ECT2L: variants seen among roughly 807,000 people sequenced by gnomAD.
ECT2L encodes the protein epithelial cell-transforming sequence 2 oncogene-like.
ECT2L carries 126 observed loss-of-function variants against 122.8 expected under a neutral mutation model. That is an observed-to-expected ratio of 1.03 (90% CI 0.89 to 1.19). The LOEUF (loss-of-function observed/expected upper bound fraction) is 1.19. ECT2L is among the 50% of genes most tolerant of loss of function. ECT2L has a pLI of 0.00. For missense variants in ECT2L, 1,012 were observed against 1,064.1 expected (o/e 0.95, Z 0.68); for synonymous variants, 385 against 381.8 (o/e 1.01, Z -0.10).
chr6:138,875,624 A>G (rs561968068), intron 13 of ECT2L, among the ~76,000 whole-genome samples: 57 of 152,344 alleles, frequency 3.7e-4, no homozygotes, highest in African/African-American at 1.4e-3. Context: ...CCACAGCAAG[A>G]ATAGTTAACA....
Position 138,887,036 on chromosome 6 carries a change from C to T in ECT2L, c.2325+114C>T, listed in dbSNP as rs1459614233. 37 of 829,834 alleles carry T rather than the reference C, an allele frequency of 4.5e-5. No individual in the cohort carries two copies. In the East Asian group the frequency reaches 7.7e-4, roughly 17 times the overall value. The allele number at this position is 829,834 out of a possible 1,614,324, so 51.4% of individuals were successfully genotyped here. A position where few individuals can be genotyped will look rare whatever the true frequency, so the allele number is the denominator to read the frequency against. On this transcript the variant is annotated intron_variant, in intron 19 of 21. Coordinates refer to ENST00000541398, the MANE Select transcript of ECT2L (RefSeq NM_001077706.3). ...GCTAGTATTTGTGGAATGCCTGCTACGTGCCAGGCACTGCCATGCTCTCCC... is the reference window on the plus strand; with the variant it reads ...GCTAGTATTTGTGGAATGCCTGCTATGTGCCAGGCACTGCCATGCTCTCCC...
chr6:138,869,473 G>A (rs568482464), intron 13 of ECT2L, among the ~76,000 whole-genome samples: 7 of 152,304 alleles, frequency 4.6e-5, no homozygotes, highest in Admixed American at 2.0e-4. Context: ...CTGGGTGGGG[G>A]CTGCGAAGCT....
At chr6:138,849,484 A>G (rs1303235053) in intron 9 of ECT2L, 50 bp downstream of exon 9, 1 of 1,530,280 alleles carries the variant, frequency 6.5e-7, no homozygotes. Flanking sequence ...CGCGCTGTGC[A>G]CTTTGTCCAC....
rs931204941 is a variant in ECT2L at position 138,885,908 on chromosome 6, A to T, written c.2259+78A>T. The T allele has an allele frequency of 5.1e-5, 72 of 1,405,104 alleles. No homozygotes were observed. The African/African-American group carries it at 5.6e-4, about 11-fold the overall frequency. 87.0% of individuals were successfully genotyped at this position (1,405,104 alleles called of 1,614,324 possible). On this transcript the variant is annotated intron_variant, in intron 18 of 21. Transcript: ENST00000541398. The stretch of plus-strand genomic sequence containing the variant: ...GGTACTCCCACTCAAAGATCCTGAG[A>T]CACCTTATCTTCTTGTGGGGTTCTT...
chr6:138,797,649 A>C (rs1051968939), intron 1 of ECT2L, among the ~76,000 whole-genome samples: 2 of 151,914 alleles, frequency 1.3e-5, no homozygotes, highest in African/African-American at 4.8e-5. Context: ...GAGAGGAAAA[A>C]AAAAACAAAA....
intron 1 of ECT2L, among the ~76,000 whole-genome samples, chr6:138,797,241 TTC>T (rs1775375149): frequency 6.6e-6 from 1 of 152,182 alleles, no homozygotes; most frequent in Non-Finnish European, 1.5e-5. Context: ...TGTCTTTCAT[TTC>T]TGTTTTTTCA....
chr6:138,815,640 G>A (rs1037880104), intron 4 of ECT2L, among the ~76,000 whole-genome samples: 4 of 152,196 alleles, frequency 2.6e-5, no homozygotes, highest in Non-Finnish European at 4.4e-5. Flanking sequence ...GTCCTACAGA[G>A]GAGACTGTGT....
Position 138,902,501 on chromosome 6 carries a change from T to A in ECT2L, c.2589T>A (p.Tyr863Ter), listed in dbSNP as rs1431916772. 1.1e-5 allele frequency: 18 copies of A among 1,612,500 alleles called. No homozygotes were observed. The highest frequency in any genetic ancestry group is 1.5e-5 in the Non-Finnish European group (18 of 1,179,116). ...LLIENIPDSKYVKNAFILQGP... is the reference protein window; with the variant it reads ...LLIENIPDSK ...AGTATACCTCAAATGCTTTTACAGA[T>A]GTCAAGAATGCATTTATTCTTCAGG... Residue 863 changes from tyrosine (Y) to a stop codon, truncating the protein, a stop_gained and splice_region_variant, in exon 22 of 22, where the codon TAT becomes TAA. Coordinates refer to ENST00000541398, the MANE Select transcript of ECT2L (RefSeq NM_001077706.3). LOFTEE classifies it high-confidence loss of function.
At chr6:138,802,728 C>T (rs901729211) in intron 1 of ECT2L, among the ~76,000 whole-genome samples, 5 of 152,122 alleles carry the variant, frequency 3.3e-5, no homozygotes, top group Non-Finnish European at 7.4e-5. Context: ...TGCCAGGCTG[C>T]CATTTCTCCC....
chr6:138,887,298 C>T (rs910018272), intron 19 of ECT2L, among the ~76,000 whole-genome samples: 4 of 151,552 alleles, frequency 2.6e-5, no homozygotes, highest in African/African-American at 9.7e-5. Flanking sequence ...ACAATCTCAG[C>T]TCACTGCAAG....
chr6:138,852,898 T>A lies in ECT2L; in HGVS notation c.1070-1128T>A, dbSNP rs1203153485. 3.3e-5 allele frequency among the ~76,000 whole-genome samples: 5 copies of A among 152,318 alleles called. 1 individual carries two copies. In the South Asian group the frequency reaches 1.0e-3, roughly 32 times the overall value. ...TAGAGTTTCTTGATCTCAGCCTTTT[T>A]GTTCTCCAGGTAAGAAAAGTTTTCA... On this transcript the variant is annotated intron_variant, in intron 9 of 21. Coordinates refer to ENST00000541398, the MANE Select transcript of ECT2L (RefSeq NM_001077706.3).
intron 6 of ECT2L, 23 bp from the exon 7 acceptor site, chr6:138,844,389 G>T: frequency 1.2e-6 from 2 of 1,609,528 alleles, no homozygotes; most frequent in Non-Finnish European, 1.7e-6. Context: ...AATCAGCCCC[G>T]CCTGCTGTTC....
chr6:138,852,343 T>TC (rs1250650548), intron 9 of ECT2L, among the ~76,000 whole-genome samples: 2 of 151,838 alleles, frequency 1.3e-5, no homozygotes, highest in East Asian at 1.9e-4. Flanking sequence ...TTTTTTTTTT[T>TC]CCGGGAGAAA....
intron 20 of ECT2L, among the ~76,000 whole-genome samples, chr6:138,898,653 A>C (rs1562499411): frequency 6.6e-6 from 1 of 152,236 alleles, no homozygotes; most frequent in Non-Finnish European, 1.5e-5. Context: ...CAGAATTTGC[A>C]TTTTAACAAA....
chr6:138,858,949 TCTC>T (rs1288922310), intron 10 of ECT2L, among the ~76,000 whole-genome samples: 3 of 152,020 alleles, frequency 2.0e-5, no homozygotes, highest in Non-Finnish European at 4.4e-5. Context: ...CTCAAGCAAT[TCTC>T]CTTCCTCAGC....
chr6:138,849,420 T>C lies in ECT2L; in HGVS notation c.1055T>C (p.Ile352Thr), dbSNP rs1233768674. The C allele has an allele frequency of 6.2e-7, 1 of 1,613,232 alleles. No individual in the cohort carries two copies. Among genetic ancestry groups the C allele is most frequent in the Non-Finnish European group, 8.5e-7 (1 of 1,179,688 alleles). Residue 352 changes from isoleucine (I) to threonine (T), a missense_variant, in exon 9 of 22, where the codon ATC becomes ACC. Coordinates refer to ENST00000541398, the MANE Select transcript of ECT2L (RefSeq NM_001077706.3). ...TTTAGCGATGGAGACAGCAGAGAAATCAATTTACTCCAAGGTAGGCCTGGG... is the reference window on the plus strand; with the variant it reads ...TTTAGCGATGGAGACAGCAGAGAAACCAATTTACTCCAAGGTAGGCCTGGG... Reference protein sequence around the residue: ...GIFSDGDSREINLLQGYKIGV... With the variant: ...GIFSDGDSRETNLLQGYKIGV...
chr6:138,849,546 T>C (rs1021078966), intron 9 of ECT2L, 112 bp downstream of exon 9: 2 of 1,196,432 alleles, frequency 1.7e-6, no homozygotes, highest in Non-Finnish European at 2.2e-6. Context: ...GACGTGTTGA[T>C]TTTTTGGCTT....
At chr6:138,896,515 T>G (rs1460806773) in intron 20 of ECT2L, among the ~76,000 whole-genome samples, 2 of 152,186 alleles carry the variant, frequency 1.3e-5, no homozygotes, top group African/African-American at 2.4e-5. Flanking sequence ...TAGACTTTGG[T>G]CCAGAATTGA....
chr6:138,868,065 A>C, intron 12 of ECT2L, 38 bp from the exon 13 acceptor site: 2 of 1,384,868 alleles, frequency 1.4e-6, no homozygotes, highest in Non-Finnish European at 2.0e-6. Flanking sequence ...CATTTCTTAC[A>C]TAAATCAATT....
Sources: allele counts gnomAD v4.1 joint callset (sites outside exome capture counted in the v4.1 genomes callset), GRCh38; gene constraint gnomAD v4.1.1; transcripts MANE v1.5; gene names NCBI Gene and HGNC (gene_info 2026-07-23, HGNC 2026-07-21).